Variants in ITPR2 observed in about 807,000 individuals in gnomAD.
ITPR2 encodes inositol 1,4,5-trisphosphate receptor type 2, also known as inositol 1,4,5-trisphosphate-gated calcium channel ITPR2.
Under a neutral mutation model 317.1 loss-of-function variants are expected in ITPR2, and 207 were observed. That is an observed-to-expected ratio of 0.65 (90% CI 0.58 to 0.73). The LOEUF is 0.73. Ranked by LOEUF, ITPR2 falls within the 30% of genes least tolerant of loss-of-function variation. ITPR2 has a pLI of 0.00. For missense variants in ITPR2, 2,613 were observed against 3,284.0 expected (o/e 0.80, Z 4.99); for synonymous variants, 1,156 against 1,149.1 (o/e 1.01, Z -0.12).
chr12:26,543,801 C>G (rs1393174654), intron 37 of ITPR2, among the ~76,000 whole-genome samples: 1 of 151,990 alleles, frequency 6.6e-6, no homozygotes, highest in Non-Finnish European at 1.5e-5. Context: ...GCCCTCCAGC[C>G]ATTTTGAAGC....
chr12:26,561,853 C>G lies in ITPR2; in HGVS notation c.4730G>C (p.Gly1577Ala). 6.3e-7 allele frequency: 1 copy of G among 1,599,472 alleles called. No individual in the cohort carries two copies. Among genetic ancestry groups the G allele is most frequent in the Non-Finnish European group, 8.5e-7 (1 of 1,176,504 alleles). Residue 1577 changes from glycine (G) to alanine (A), a missense_variant, in exon 35 of 57, where the codon GGT becomes GCT. Physicochemically the swap from Gly to Ala is moderately conservative, Grantham distance 60. Coordinates refer to ENST00000381340, the MANE Select transcript of ITPR2 (RefSeq NM_002223.4). ...CCCAGAGCGAGCTGATAGTCTCCAA[C>G]CCATTGCTGCTCTCTGCACCATATT... ...HSNMVQRAAM[G>A]WRLSARSGPR...
Position 26,630,439 on chromosome 12 carries a change from T to TG in ITPR2, c.2934+1426dup, listed in dbSNP as rs550291307. On this transcript the variant is annotated intron_variant, in intron 22 of 56. Transcript: ENST00000381340. ...AGGCTGAGAGAGATACACAAAGTGATGGGGGGGAAAAAAAAAAAGAAGACC... is the reference window on the plus strand; with the variant it reads ...AGGCTGAGAGAGATACACAAAGTGATGGGGGGGGAAAAAAAAAAAGAAGACC... Among the ~76,000 whole-genome samples, 872 of 130,634 alleles carry TG rather than the reference T, an allele frequency of 6.7e-3. 4 individuals are homozygous for TG. Among genetic ancestry groups the TG allele is most frequent in the African/African-American group, 0.021 (756 of 35,600 alleles). The allele number at this position is 130,634 out of a possible 152,430, so 85.7% of individuals were successfully genotyped here. A position where few individuals can be genotyped will look rare whatever the true frequency, so the allele number is the denominator to read the frequency against.
intron 26 of ITPR2, among the ~76,000 whole-genome samples, chr12:26,611,434 T>G (rs1946263907): frequency 6.6e-6 from 1 of 152,146 alleles, no homozygotes; most frequent in Non-Finnish European, 1.5e-5. Context: ...GAAAATGAAC[T>G]ATATAGTCCT....
At chr12:26,775,933 C>CATATATATATATAT in intron 2 of ITPR2, among the ~76,000 whole-genome samples, 10,356 of 85,184 alleles carry the variant, frequency 0.12, 2,011 homozygotes, top group Non-Finnish European at 0.15. Context: ...CTCCCCTTTA[C>CATATATATATATAT]ATATATATAT....
At position 26,656,388 on chromosome 12, in the gene ITPR2, T is replaced by G. The variant is rs374341078; in HGVS notation, c.2353A>C (p.Met785Leu). ...RASFCRLMLH[M>L]HVDRDPQESV... is the part of the protein sequence containing the mutation. ...TCCTGGGGATCCCGGTCAACGTGCA[T>G]GTGGAGCATGAGGCGACAGAAGGAC... is the stretch of plus-strand genomic sequence containing the variant. The change falls in exon 19 of 57, where the codon ATG (methionine) becomes CTG (leucine). Residue 785 changes from methionine to leucine, a missense_variant. Met to Leu is a conservative substitution (Grantham distance 15, BLOSUM62 2). Coordinates refer to ENST00000381340, the MANE Select transcript of ITPR2 (RefSeq NM_002223.4). The G allele has an allele frequency of 5.6e-6, 9 of 1,613,974 alleles. No individual in the cohort carries two copies. Among genetic ancestry groups the G allele is most frequent in the Admixed American group, 1.7e-5 (1 of 59,994 alleles).
At chr12:26,650,990 C>CT (rs1947239521) in intron 21 of ITPR2, among the ~76,000 whole-genome samples, 1 of 152,060 alleles carries the variant, frequency 6.6e-6, no homozygotes, top group Admixed American at 6.6e-5. Flanking sequence ...ATACGCTTTC[C>CT]TTTTTTCTCC....
chr12:26,827,971 T>C (rs1213937239), intron 1 of ITPR2, among the ~76,000 whole-genome samples: 2 of 152,232 alleles, frequency 1.3e-5, no homozygotes, highest in East Asian at 1.9e-4. Flanking sequence ...AAGCATAATG[T>C]AGATTTTCCT....
At chr12:26,794,240 A>G (rs1212980608) in intron 1 of ITPR2, among the ~76,000 whole-genome samples, 1 of 152,206 alleles carries the variant, frequency 6.6e-6, no homozygotes, top group Non-Finnish European at 1.5e-5. Flanking sequence ...TGGACATAAC[A>G]AGAGTCTTAA....
intron 55 of ITPR2, among the ~76,000 whole-genome samples, chr12:26,376,250 A>G (rs1404009531): frequency 2.0e-5 from 3 of 152,196 alleles, no homozygotes; most frequent in African/African-American, 7.2e-5. Context: ...TATCTCGAAA[A>G]TGAAAATGCC....
intron 13 of ITPR2, among the ~76,000 whole-genome samples, chr12:26,676,647 CG>C (rs780158037): frequency 9.2e-4 from 139 of 150,534 alleles, no homozygotes; most frequent in Non-Finnish European, 1.4e-3. Flanking sequence ...AGGAGGAAGA[CG>C]TAAAGAAAGG....
intron 45 of ITPR2, among the ~76,000 whole-genome samples, chr12:26,445,687 C>T (rs540929593): frequency 6.6e-5 from 10 of 152,026 alleles, no homozygotes; most frequent in African/African-American, 2.2e-4. Context: ...TCACAGCAGC[C>T]GTTTTAGGAA....
intron 2 of ITPR2, among the ~76,000 whole-genome samples, chr12:26,730,867 A>G (rs1469433512): frequency 6.6e-6 from 1 of 152,210 alleles, no homozygotes. Context: ...GCACGTTAAC[A>G]CTGTAAGTCA....
At chr12:26,514,798 AT>A (rs763028164) in intron 37 of ITPR2, among the ~76,000 whole-genome samples, 1 of 152,214 alleles carries the variant, frequency 6.6e-6, no homozygotes, top group East Asian at 1.9e-4. Flanking sequence ...AATAAATAAG[AT>A]TTAATGAAGA....
chr12:26,779,879 T>C (rs1950046434), intron 2 of ITPR2, among the ~76,000 whole-genome samples: 1 of 152,046 alleles, frequency 6.6e-6, no homozygotes. Flanking sequence ...GATTGGAAAA[T>C]TGGTGACAAA....
intron 5 of ITPR2, 38 bp from the exon 6 acceptor site, chr12:26,716,280 T>C (rs1948738983): frequency 1.5e-6 from 2 of 1,305,958 alleles, no homozygotes; most frequent in Non-Finnish European, 2.2e-6. Flanking sequence ...AGACACTGCA[T>C]GGATCTTTGG....
At chr12:26,551,125 A>C (rs1032378122) in intron 36 of ITPR2, among the ~76,000 whole-genome samples, 11 of 152,332 alleles carry the variant, frequency 7.2e-5, no homozygotes, top group African/African-American at 2.6e-4. Context: ...TGTTGTTAAA[A>C]AGCTGATCCT....
intron 45 of ITPR2, among the ~76,000 whole-genome samples, chr12:26,463,927 T>C (rs979719655): frequency 3.9e-5 from 6 of 152,110 alleles, no homozygotes; most frequent in Non-Finnish European, 8.8e-5. Context: ...GCACGCTAAA[T>C]ATTGCCCCCA....
chr12:26,359,030 A>T (rs1938734183), intron 55 of ITPR2, among the ~76,000 whole-genome samples: 1 of 152,204 alleles, frequency 6.6e-6, no homozygotes, highest in Non-Finnish European at 1.5e-5. Context: ...TTTGCTTTCC[A>T]TCATTAGCTG....
At chr12:26,620,336 T>A (rs1946464232) in intron 26 of ITPR2, among the ~76,000 whole-genome samples, 1 of 152,194 alleles carries the variant, frequency 6.6e-6, no homozygotes, top group African/African-American at 2.4e-5. Flanking sequence ...CTTGCTCTGT[T>A]TTCACGTTTC....
Sources: gnomAD v4.1 joint callset for allele counts (sites outside exome capture counted in the v4.1 genomes callset) on GRCh38, gnomAD v4.1.1 for gene constraint, MANE v1.5 for transcripts, NCBI Gene and HGNC (gene_info 2026-07-23, HGNC 2026-07-21) for gene names.